Variants in SH3RF3 observed in about 807,000 individuals in gnomAD.
SH3RF3 encodes SH3 domain containing ring finger 3.
Under a neutral mutation model 66.3 loss-of-function variants are expected in SH3RF3, and 29 were observed. The observed-to-expected ratio is 0.44, with a 90% CI of 0.33 to 0.60. The LOEUF is 0.60. Among genes scored for constraint, SH3RF3 ranks in the 20% least tolerant of loss-of-function variants. SH3RF3 has a pLI of 0.04. For missense variants in SH3RF3, 1,194 were observed against 1,190.9 expected (o/e 1.00, Z -0.04); for synonymous variants, 583 against 532.0 (o/e 1.10, Z -1.32).
chr2:109,280,315 A>C (rs547903770), intron 1 of SH3RF3, among the ~76,000 whole-genome samples: 36 of 152,288 alleles, frequency 2.4e-4, no homozygotes, highest in African/African-American at 8.2e-4. Flanking sequence ...AAGGAAACTG[A>C]GGCCCAGAGA....
At chr2:109,234,962 G>C (rs1304056275) in intron 1 of SH3RF3, among the ~76,000 whole-genome samples, 1 of 152,198 alleles carries the variant, frequency 6.6e-6, no homozygotes, top group Non-Finnish European at 1.5e-5. Flanking sequence ...CTCAGCACCT[G>C]TTGTCACCAG....
intron 1 of SH3RF3, among the ~76,000 whole-genome samples, chr2:109,158,013 A>G (rs998532670): frequency 6.6e-6 from 1 of 152,252 alleles, no homozygotes; most frequent in East Asian, 1.9e-4. Flanking sequence ...GGTATGTTCT[A>G]GTTCTGGGCT....
In SH3RF3 at chr2:109,130,106, C is replaced by T; in HGVS notation, c.566C>T (p.Ala189Val). The T allele has an allele frequency of 2.3e-6, 3 of 1,328,866 alleles. No individual in the cohort carries two copies. The highest frequency in any genetic ancestry group is 3.1e-5 in the East Asian group (1 of 32,260). 82.3% of individuals were successfully genotyped at this position (1,328,866 alleles called of 1,614,324 possible). A position where few individuals can be genotyped will look rare whatever the true frequency, so the allele number is the denominator to read the frequency against. The change falls in exon 1 of 10, where the codon GCG (alanine) becomes GTG (valine). Residue 189 changes from alanine (A) to valine (V), a missense_variant. Ala to Val is a moderately conservative substitution (Grantham distance 64). Coordinates refer to ENST00000309415, the MANE Select transcript of SH3RF3 (RefSeq NM_001099289.3). ...RELATSRTAPAAKNPCLLPYG... is the reference protein window; with the variant it reads ...RELATSRTAPVAKNPCLLPYG... ...CTGGCGACCAGCAGGACCGCGCCGG[C>T]GGCAAAGGTGAGTATCTGTCTCGGC...
chr2:109,483,024 T>G (rs1236855654), intron 8 of SH3RF3, among the ~76,000 whole-genome samples: 1 of 152,220 alleles, frequency 6.6e-6, no homozygotes, highest in Admixed American at 6.5e-5. Flanking sequence ...CACTTTTTCC[T>G]CTGTATTCAT....
rs541653098 is a variant in SH3RF3, at chr2:109,373,692, G to A, written c.945+2011G>A. On this transcript the variant is annotated intron_variant, in intron 3 of 9. Coordinates refer to ENST00000309415, the MANE Select transcript of SH3RF3 (RefSeq NM_001099289.3). The stretch of plus-strand genomic sequence containing the variant: ...AGGTTCTGGGCTGCAGAAAGGTTTC[G>A]TGTCCTGATCTCGGGAGAGCTGCAC... Among the ~76,000 whole-genome samples, 17 of 152,274 alleles carry A rather than the reference G, an allele frequency of 1.1e-4. No individual in the cohort carries two copies. The East Asian group carries it at 2.3e-3, about 21-fold the overall frequency.
intron 6 of SH3RF3, among the ~76,000 whole-genome samples, chr2:109,436,357 G>C (rs999561419): frequency 2.0e-5 from 3 of 152,172 alleles, no homozygotes; most frequent in African/African-American, 7.2e-5. Context: ...TGGAAACTTC[G>C]GAGTGAAAGG....
chr2:109,318,776 A>G (rs1322992234), intron 1 of SH3RF3, among the ~76,000 whole-genome samples: 1 of 152,200 alleles, frequency 6.6e-6, no homozygotes, highest in African/African-American at 2.4e-5. Flanking sequence ...ACAAAGCATG[A>G]AAGCCCAGCC....
chr2:109,151,565 G>A (rs572763003), intron 1 of SH3RF3, among the ~76,000 whole-genome samples: 2 of 152,096 alleles, frequency 1.3e-5, no homozygotes, highest in Admixed American at 1.3e-4. Context: ...AAAATATGTC[G>A]GCATGTAGTT....
chr2:109,364,711 C>G (rs907307386), intron 2 of SH3RF3, among the ~76,000 whole-genome samples: 1 of 152,154 alleles, frequency 6.6e-6, no homozygotes, highest in African/African-American at 2.4e-5. Flanking sequence ...CTCAGTTTCC[C>G]CCACTCCTCT....
At chr2:109,476,577 C>T (rs997565135) in intron 8 of SH3RF3, among the ~76,000 whole-genome samples, 2 of 152,228 alleles carry the variant, frequency 1.3e-5, no homozygotes, top group African/African-American at 4.8e-5. Context: ...AGCTCTCGGG[C>T]TCTCCATGAG....
chr2:109,219,646 A>G (rs757742729), intron 1 of SH3RF3, among the ~76,000 whole-genome samples: 4 of 152,242 alleles, frequency 2.6e-5, no homozygotes, highest in Non-Finnish European at 4.4e-5. Flanking sequence ...TTGTATTTCT[A>G]TAGACTTGAA....
intron 1 of SH3RF3, among the ~76,000 whole-genome samples, chr2:109,170,777 T>C (rs1041504546): frequency 6.6e-6 from 1 of 152,226 alleles, no homozygotes; most frequent in Non-Finnish European, 1.5e-5. Context: ...GGATGACCCA[T>C]CTGTTTCTCT....
chr2:109,444,203 A>T (rs540312796), intron 7 of SH3RF3, among the ~76,000 whole-genome samples: 1 of 152,390 alleles, frequency 6.6e-6, no homozygotes, highest in East Asian at 1.9e-4. Flanking sequence ...TTTGAGCTGA[A>T]TGAAATGAAA....
intron 1 of SH3RF3, among the ~76,000 whole-genome samples, chr2:109,308,948 C>T (rs1681662497): frequency 1.2e-5 from 1 of 80,842 alleles, no homozygotes; most frequent in Non-Finnish European, 2.1e-5. Flanking sequence ...TAGTTTTTTC[C>T]AATTCTGTGA....
At chr2:109,258,784 C>T (rs919979419) in intron 1 of SH3RF3, among the ~76,000 whole-genome samples, 1 of 152,212 alleles carries the variant, frequency 6.6e-6, no homozygotes, top group Non-Finnish European at 1.5e-5. Flanking sequence ...GTTGTCCTTC[C>T]TAATAGGGGT....
At chr2:109,163,916 T>C (rs1224800309) in intron 1 of SH3RF3, among the ~76,000 whole-genome samples, 1 of 152,234 alleles carries the variant, frequency 6.6e-6, no homozygotes, top group African/African-American at 2.4e-5. Flanking sequence ...GTTTGATAGA[T>C]GGGCTAGGAC....
At chr2:109,251,412 A>G in intron 1 of SH3RF3, 1 of 699,666 alleles carries the variant, frequency 1.4e-6, no homozygotes, top group Non-Finnish European at 2.7e-6. Context: ...GAGTGCATGG[A>G]GTAGACACCA....
intron 1 of SH3RF3, among the ~76,000 whole-genome samples, chr2:109,147,090 G>A (rs1007702959): frequency 2.6e-5 from 4 of 151,810 alleles, no homozygotes; most frequent in East Asian, 1.9e-4. Flanking sequence ...TCCCTGTCTC[G>A]TTTTCCCCTC....
chr2:109,441,749 ACAAT>A (rs141182890), intron 7 of SH3RF3, among the ~76,000 whole-genome samples: 1,989 of 152,346 alleles, frequency 0.013, 53 homozygotes, highest in African/African-American at 0.046. Flanking sequence ...AAGGCAAATC[ACAAT>A]CAAACTGTTC....
Sources: allele counts gnomAD v4.1 joint callset (sites outside exome capture counted in the v4.1 genomes callset), GRCh38; gene constraint gnomAD v4.1.1; transcripts MANE v1.5; gene names NCBI Gene and HGNC (gene_info 2026-07-23, HGNC 2026-07-21).